Variants in TTLL12 observed in about 807,000 individuals in gnomAD.
TTLL12 encodes tubulin--tyrosine ligase-like protein 12.
In TTLL12, 77 loss-of-function variants were observed where a neutral mutation model predicts 79.6. That is an observed-to-expected ratio of 0.97 (90% CI 0.81 to 1.17). TTLL12 has a LOEUF of 1.17. Ranked by LOEUF, TTLL12 falls within the 50% of genes most tolerant of loss-of-function variation. The pLI is 0.00. For missense variants in TTLL12, 969 were observed against 895.9 expected (o/e 1.08, Z -1.04); for synonymous variants, 437 against 376.1 (o/e 1.16, Z -1.87).
At chr22:43,171,623 C>A (rs988726929) in intron 11 of TTLL12, 196 bp downstream of exon 11, 1 of 555,566 alleles carries the variant, frequency 1.8e-6, no homozygotes, top group African/African-American at 1.9e-5. Context: ...CGTGGGGAGA[C>A]CTACCTGAGA....
intron 1 of TTLL12, among the ~76,000 whole-genome samples, chr22:43,184,972 G>A (rs556115608): frequency 6.6e-6 from 1 of 152,104 alleles, no homozygotes; most frequent in Non-Finnish European, 1.5e-5. Flanking sequence ...GCTCACGTCT[G>A]TAATCCCAAC....
At chr22:43,185,217 G>C (rs1312270746) in intron 1 of TTLL12, among the ~76,000 whole-genome samples, 1 of 146,884 alleles carries the variant, frequency 6.8e-6, no homozygotes, top group Non-Finnish European at 1.5e-5. Context: ...GACAGAGCAA[G>C]ACTCCGTCTC....
chr22:43,184,338 G>A (rs1327463592), intron 1 of TTLL12, among the ~76,000 whole-genome samples: 2 of 152,360 alleles, frequency 1.3e-5, no homozygotes, highest in East Asian at 1.9e-4. Flanking sequence ...TCAAGGTCTC[G>A]CTCAGGAAGC....
intron 13 of TTLL12, among the ~76,000 whole-genome samples, 156 bp from the exon 14 acceptor site, chr22:43,168,315 C>G (rs537636661): frequency 1.3e-5 from 2 of 152,018 alleles, no homozygotes. Context: ...ACTTGGGTCT[C>G]TTGACTTTGC....
chr22:43,174,538 G>A lies in TTLL12; in HGVS notation c.995C>T (p.Ala332Val), dbSNP rs1361515916. Residue 332 changes from alanine to valine, a missense_variant, in exon 7 of 14, where the codon GCC (alanine) becomes GTC (valine). By Grantham distance (64) the Ala-to-Val change is moderately conservative. Transcript: ENST00000216129. ...GTGTGAGAAGTTGAAGAGGATGTCG[G>A]CGTCCGCCTCACTCTGGGTGAGGGT... ...RFTLTQSEAD[A>V]DILFNFSHFK... The A allele has an allele frequency of 6.2e-7, 1 of 1,613,496 alleles. No homozygotes were observed. Among genetic ancestry groups the A allele is most frequent in the East Asian group, 2.2e-5 (1 of 44,864 alleles).
At chr22:43,172,656 A>C in intron 9 of TTLL12, 102 bp from the exon 10 acceptor site, 3 of 1,300,030 alleles carry the variant, frequency 2.3e-6, no homozygotes, top group South Asian at 1.3e-5. Flanking sequence ...GCTGCACTTT[A>C]CTCCTCCTTC....
At chr22:43,177,597 G>C (rs781562545) in intron 5 of TTLL12, among the ~76,000 whole-genome samples, 4 of 152,174 alleles carry the variant, frequency 2.6e-5, no homozygotes, top group Non-Finnish European at 4.4e-5. Flanking sequence ...GAGAAATCAG[G>C]TGCCACATCC....
rs756346546 is a variant in TTLL12 at position 43,168,863 on chromosome 22, T to C, written c.1694A>G (p.Lys565Arg). ...FTELFQVACA[K>R]PPPLGLCDYP... ...GTCGCAGAGGCCCAGGGGTGGTGGC[T>C]TGGCACAGGCCACCTGGAACAGCTC... The change falls in exon 13 of 14, where the codon AAG (lysine) becomes AGG (arginine). Residue 565 changes from lysine to arginine, a missense_variant. By Grantham distance (26) the Lys-to-Arg change is conservative. Transcript: ENST00000216129. 1 of 1,609,968 alleles carries C rather than the reference T, an allele frequency of 6.2e-7. No individual in the cohort carries two copies. The highest frequency in any genetic ancestry group is 8.5e-7 in the Non-Finnish European group (1 of 1,178,666).
At chr22:43,181,475 G>A (rs1176589737) in intron 2 of TTLL12, among the ~76,000 whole-genome samples, 2 of 152,212 alleles carry the variant, frequency 1.3e-5, no homozygotes, top group African/African-American at 4.8e-5. Flanking sequence ...CACGCAGCCA[G>A]GTCTTCTGGA....
chr22:43,183,684 C>G (rs1932114344), intron 1 of TTLL12, among the ~76,000 whole-genome samples: 1 of 152,230 alleles, frequency 6.6e-6, no homozygotes, highest in African/African-American at 2.4e-5. Flanking sequence ...GGAAGCGAGG[C>G]CCCAGGTCAA....
At position 43,183,039 on chromosome 22, in the gene TTLL12, C is replaced by T; in HGVS notation, c.288G>A (p.Glu96=). ...VRKQQPNPGN[E]LCYKVIVTRE... is the part of the protein sequence containing the mutation. Reference sequence around the variant, plus strand: ...TGGTCACGATGACCTTGTAGCACAGCTCGTTCCCCGGGTTGGGCTGCTGCT... The same window carrying T: ...TGGTCACGATGACCTTGTAGCACAGTTCGTTCCCCGGGTTGGGCTGCTGCT... The change falls in exon 2 of 14, where the codon GAG becomes GAA. Residue 96 remains glutamate (E), a synonymous_variant. Coordinates refer to ENST00000216129, the MANE Select transcript of TTLL12 (RefSeq NM_015140.4). The T allele has an allele frequency of 6.2e-7, 1 of 1,614,030 alleles. No individual in the cohort carries two copies. The highest frequency in any genetic ancestry group is 8.5e-7 in the Non-Finnish European group (1 of 1,179,986).
Position 43,186,944 on chromosome 22 carries a change from C to A in TTLL12, c.126G>T (p.Ser42=), listed in dbSNP as rs954756990. 70 of 1,366,520 alleles carry A rather than the reference C, an allele frequency of 5.1e-5. No individual in the cohort carries two copies. Among genetic ancestry groups the A allele is most frequent in the Non-Finnish European group, 6.0e-5 (63 of 1,056,582 alleles). The allele number at this position is 1,366,520 out of a possible 1,614,324, so 84.6% of individuals were successfully genotyped here. ...GGCCCCAGTAACGTTCGGGGACCCCCGAAGCGCGCAGCGCCGGGCCGTGCA... is the reference window on the plus strand; with the variant it reads ...GGCCCCAGTAACGTTCGGGGACCCCAGAAGCGCGCAGCGCCGGGCCGTGCA... ...AALHGPALRA[S]GVPERYWGRL... is the part of the protein sequence containing the mutation. Residue 42 remains serine (S), a synonymous_variant, in exon 1 of 14, where the codon TCG becomes TCT. Coordinates refer to ENST00000216129, the MANE Select transcript of TTLL12 (RefSeq NM_015140.4).
chr22:43,174,532 A>T lies in TTLL12; in HGVS notation c.1001T>A (p.Ile334Asn). The change falls in exon 7 of 14, where the codon ATC becomes AAC. Residue 334 changes from isoleucine to asparagine, a missense_variant. Ile to Asn is a moderately radical substitution (Grantham distance 149, BLOSUM62 -3). Transcript: ENST00000216129. ...TLTQSEADAD[I>N]LFNFSHFKDY... Reference sequence around the variant, plus strand: ...CTTGAAGTGTGAGAAGTTGAAGAGGATGTCGGCGTCCGCCTCACTCTGGGT... The same window carrying T: ...CTTGAAGTGTGAGAAGTTGAAGAGGTTGTCGGCGTCCGCCTCACTCTGGGT... The T allele has an allele frequency of 6.2e-7, 1 of 1,613,400 alleles. No homozygotes were observed.
At position 43,174,534 on chromosome 22, in the gene TTLL12, G is replaced by A; in HGVS notation, c.999C>T (p.Asp333=). 6.2e-7 allele frequency: 1 copy of A among 1,613,468 alleles called. No individual in the cohort carries two copies. Among genetic ancestry groups the A allele is most frequent in the Non-Finnish European group, 8.5e-7 (1 of 1,179,734 alleles). The change falls in exon 7 of 14, where the codon GAC becomes GAT. Residue 333 remains aspartate, a synonymous_variant. Coordinates refer to ENST00000216129, the MANE Select transcript of TTLL12 (RefSeq NM_015140.4). ...TGAAGTGTGAGAAGTTGAAGAGGAT[G>A]TCGGCGTCCGCCTCACTCTGGGTGA... ...FTLTQSEADA[D]ILFNFSHFKD...
At chr22:43,177,840 T>G (rs1931953945) in intron 5 of TTLL12, among the ~76,000 whole-genome samples, 1 of 152,228 alleles carries the variant, frequency 6.6e-6, no homozygotes, top group Non-Finnish European at 1.5e-5. Context: ...TGTTTACTGT[T>G]TTAAGGTGCT....
rs1931628903 is a variant in TTLL12, at chr22:43,166,836, T to G, written c.*1172A>C. The G allele has an allele frequency of 5.4e-6, 1 of 184,842 alleles. No homozygotes were observed. Among genetic ancestry groups the G allele is most frequent in the Non-Finnish European group, 1.1e-5 (1 of 87,446 alleles). The allele number at this position is 184,842 out of a possible 1,614,324, so 11.5% of individuals were successfully genotyped here. A position where few individuals can be genotyped will look rare whatever the true frequency, so the allele number is the denominator to read the frequency against. ...GCAGCATCATCAGGTGCAGCTTTGC[T>G]ACAAGAAAGATAGTTCTTAATTTCA... On this transcript the variant is annotated 3_prime_UTR_variant, in exon 14 of 14. Transcript: ENST00000216129.
chr22:43,173,848 T>TG (rs1339210470), intron 8 of TTLL12, 22 bp from the exon 9 acceptor site: 14 of 1,593,820 alleles, frequency 8.8e-6, no homozygotes, highest in Non-Finnish European at 1.1e-5. Context: ...AAGGGCTGTC[T>TG]GGGGGGCGCC....
chr22:43,171,022 C>T (rs541985401), intron 11 of TTLL12, among the ~76,000 whole-genome samples: 2 of 152,344 alleles, frequency 1.3e-5, no homozygotes, highest in South Asian at 4.1e-4. Context: ...GGAATGACAG[C>T]CACACGTTCA....
rs116687646 is a variant in TTLL12, at chr22:43,177,849, C to A, written c.841-1453G>T. Among the ~76,000 whole-genome samples the A allele has an allele frequency of 4.1e-3, 628 of 152,312 alleles. 4 individuals carry two copies. Among genetic ancestry groups the A allele is most frequent in the African/African-American group, 0.014 (597 of 41,572 alleles). ...AATAAATGTTTACTGTTTTAAGGTG[C>A]TAAGTTTTGGAGTTACTTGTTACCC... is the stretch of plus-strand genomic sequence containing the variant. On this transcript the variant is annotated intron_variant, in intron 5 of 13. Transcript: ENST00000216129.
Sources: allele counts gnomAD v4.1 joint callset (sites outside exome capture counted in the v4.1 genomes callset), GRCh38; gene constraint gnomAD v4.1.1; transcripts MANE v1.5; gene names NCBI Gene and HGNC (gene_info 2026-07-23, HGNC 2026-07-21).